The following KCNJ6 variants were observed in gnomAD, a reference collection of about 807,000 sequenced individuals.
The protein encoded by KCNJ6 is potassium inwardly rectifying channel subfamily J member 6, also known as G protein-activated inward rectifier potassium channel 2.
Under a neutral mutation model 34.2 loss-of-function variants are expected in KCNJ6, and 9 were observed. That is an observed-to-expected ratio of 0.26 (90% confidence interval 0.16 to 0.46). KCNJ6 has a LOEUF of 0.46. Ranked by LOEUF, KCNJ6 falls within the 20% of genes least tolerant of loss-of-function variation. The pLI, the probability that KCNJ6 is intolerant of heterozygous loss-of-function variation, is 1.00. For missense variants in KCNJ6, 236 were observed against 531.3 expected (o/e 0.44, Z 5.46); for synonymous variants, 196 against 207.1 (o/e 0.95, Z 0.46).
chr21:37,636,754 A>C (rs1181467650), intron 3 of KCNJ6, among the ~76,000 whole-genome samples: 1 of 152,218 alleles, frequency 6.6e-6, no homozygotes, highest in Non-Finnish European at 1.5e-5. Context: ...CTATTTTTAG[A>C]TCCTGTGACA....
intron 3 of KCNJ6, among the ~76,000 whole-genome samples, chr21:37,696,041 T>C (rs182727138): frequency 3.9e-5 from 6 of 152,348 alleles, no homozygotes; most frequent in African/African-American, 1.4e-4. Flanking sequence ...GAATCCATAC[T>C]GATATAGATA....
At chr21:37,849,671 G>T (rs1419938466) in intron 1 of KCNJ6, among the ~76,000 whole-genome samples, 3 of 152,010 alleles carry the variant, frequency 2.0e-5, no homozygotes, top group East Asian at 3.8e-4. Flanking sequence ...AGCCCCTTTG[G>T]TCTCTGAACA....
intron 3 of KCNJ6, among the ~76,000 whole-genome samples, chr21:37,639,688 G>C (rs1023411289): frequency 6.6e-6 from 1 of 152,150 alleles, no homozygotes; most frequent in Non-Finnish European, 1.5e-5. Context: ...CTAGATCCTT[G>C]ATATGGTTTG....
Position 37,620,556 on chromosome 21 carries a change from G to A in KCNJ6, c.*4603C>T, listed in dbSNP as rs2054287098. The A allele has an allele frequency of 6.7e-6, 1 of 149,088 alleles. No individual in the cohort carries two copies. The highest frequency in any genetic ancestry group is 2.1e-4 in the South Asian group (1 of 4,736). The allele number at this position is 149,088 out of a possible 1,614,324, so 9.2% of individuals were successfully genotyped here. A position where few individuals can be genotyped will look rare whatever the true frequency, so the allele number is the denominator to read the frequency against. ...AGCAGGCCAGATTTTTTTTTTTTTAGCAGATTTGGTTTGCTGAAATTTTTT... is the reference window on the plus strand; with the variant it reads ...AGCAGGCCAGATTTTTTTTTTTTTAACAGATTTGGTTTGCTGAAATTTTTT... On this transcript the variant is annotated 3_prime_UTR_variant, in exon 4 of 4. Coordinates refer to ENST00000609713, the MANE Select transcript of KCNJ6 (RefSeq NM_002240.5).
chr21:37,893,275 G>A (rs1040002553), intron 1 of KCNJ6, among the ~76,000 whole-genome samples: 9 of 151,216 alleles, frequency 6.0e-5, no homozygotes, highest in South Asian at 2.1e-4. Flanking sequence ...TGGTGTGATC[G>A]CGGATCACTG....
intron 2 of KCNJ6, among the ~76,000 whole-genome samples, chr21:37,775,235 A>C (rs1306973413): frequency 6.6e-6 from 1 of 152,102 alleles, no homozygotes; most frequent in Non-Finnish European, 1.5e-5. Flanking sequence ...AGTTCTTTGT[A>C]GATTCTGGAT....
intron 3 of KCNJ6, among the ~76,000 whole-genome samples, chr21:37,639,382 ATATTCCCACGAGGTTG>A (rs1365717443): frequency 3.9e-5 from 6 of 152,222 alleles, no homozygotes; most frequent in Admixed American, 3.9e-4. Context: ...AAATCCTAGA[ATATTCCCACGAGGTTG>A]TACAATCAAA....
chr21:37,856,855 T>C (rs929826165), intron 1 of KCNJ6, among the ~76,000 whole-genome samples: 12 of 152,292 alleles, frequency 7.9e-5, no homozygotes, highest in Admixed American at 4.6e-4. Context: ...GGTTTGGGTA[T>C]TGACCTGGCT....
In KCNJ6 at chr21:37,745,600, GATCTT is replaced by G. The variant is rs146753699; in HGVS notation, c.26-30474_26-30470del. On this transcript the variant is annotated intron_variant, in intron 2 of 3. Transcript: ENST00000609713. ...CTCCTGTTGGACTTCTGACCTCTAG[GATCTT>G]AAGTCAATGCATTTGTGATATTAGT... 8.9e-3 allele frequency among the ~76,000 whole-genome samples: 1,363 copies of G among 152,294 alleles called. 28 individuals carry two copies. Among genetic ancestry groups the G allele is most frequent in the African/African-American group, 0.03 (1,263 of 41,546 alleles).
At chr21:37,718,555 T>G (rs2054806748) in intron 2 of KCNJ6, among the ~76,000 whole-genome samples, 1 of 152,182 alleles carries the variant, frequency 6.6e-6, no homozygotes, top group African/African-American at 2.4e-5. Flanking sequence ...TGCTACTTCA[T>G]TGCCTTTAAA....
At chr21:37,864,049 C>T (rs368185769) in intron 1 of KCNJ6, among the ~76,000 whole-genome samples, 11 of 151,622 alleles carry the variant, frequency 7.3e-5, no homozygotes, top group Admixed American at 3.9e-4. Flanking sequence ...TTTCAGTCTA[C>T]GTCATCCAAC....
chr21:37,632,996 T>A (rs1205912041), intron 3 of KCNJ6, among the ~76,000 whole-genome samples: 1 of 151,760 alleles, frequency 6.6e-6, no homozygotes, highest in Non-Finnish European at 1.5e-5. Context: ...AGGCAAATAA[T>A]CTTGATAATA....
Position 37,765,987 on chromosome 21 carries a change from CCTT to C in KCNJ6, c.26-50859_26-50857del, listed in dbSNP as rs763729310. ...TATTTGTAAGTTGAGTGCTGTACAT[CCTT>C]CTTATCAGTAAAATGTGTGTGTGCA... On this transcript the variant is annotated intron_variant, in intron 2 of 3. Transcript: ENST00000609713. Among the ~76,000 whole-genome samples, 37 of 152,172 alleles carry C rather than the reference CCTT, an allele frequency of 2.4e-4. 1 individual carries two copies. Among genetic ancestry groups the C allele is most frequent in the Non-Finnish European group, 4.6e-4 (31 of 68,036 alleles).
chr21:37,847,746 CAGAG>C (rs376943191), intron 1 of KCNJ6, among the ~76,000 whole-genome samples: 7 of 127,830 alleles, frequency 5.5e-5, no homozygotes, highest in African/African-American at 6.2e-5. Context: ...AAGGGAGAGA[CAGAG>C]AGAGAGAGGG....
chr21:37,913,976 G>A (rs2055879779), intron 1 of KCNJ6, among the ~76,000 whole-genome samples: 1 of 150,934 alleles, frequency 6.6e-6, no homozygotes, highest in African/African-American at 2.4e-5. Context: ...GGACTCAGCT[G>A]AAACTAGCAA....
chr21:37,620,304 T>C lies in KCNJ6; in HGVS notation c.*4855A>G, dbSNP rs2054286218. 2 of 152,078 alleles carry C rather than the reference T, an allele frequency of 1.3e-5. No individual in the cohort carries two copies. Among genetic ancestry groups the C allele is most frequent in the Non-Finnish European group, 2.9e-5 (2 of 68,022 alleles). 9.4% of individuals were successfully genotyped at this position (152,078 alleles called of 1,614,324 possible). On this transcript the variant is annotated 3_prime_UTR_variant, in exon 4 of 4. Coordinates refer to ENST00000609713, the MANE Select transcript of KCNJ6 (RefSeq NM_002240.5). ...ATTTCAATCTTTGCTGGCCACACGG[T>C]CTCTGTTGTAATTACTCAGCTCTGT... is the stretch of plus-strand genomic sequence containing the variant.
intron 1 of KCNJ6, among the ~76,000 whole-genome samples, chr21:37,849,744 C>A (rs960214527): frequency 6.6e-6 from 1 of 152,156 alleles, no homozygotes; most frequent in African/African-American, 2.4e-5. Context: ...CCTGGCTAAC[C>A]CATTCTGAGT....
Position 37,617,982 on chromosome 21 carries a change from C to T in KCNJ6, c.*7177G>A, listed in dbSNP as rs1225757071. The T allele has an allele frequency of 6.6e-6, 1 of 152,238 alleles. No homozygotes were observed. The highest frequency in any genetic ancestry group is 2.4e-5 in the African/African-American group (1 of 41,420). 9.4% of individuals were successfully genotyped at this position (152,238 alleles called of 1,614,324 possible). A position where few individuals can be genotyped will look rare whatever the true frequency, so the allele number is the denominator to read the frequency against. ...TCTAGGGGGTCATTGTCCAGATGGG[C>T]AAGAGCCAGACCCTGCAGGGAGAAG... On this transcript the variant is annotated 3_prime_UTR_variant, in exon 4 of 4. Coordinates refer to ENST00000609713, the MANE Select transcript of KCNJ6 (RefSeq NM_002240.5).
chr21:37,649,143 A>G (rs1416039914), intron 3 of KCNJ6, among the ~76,000 whole-genome samples: 1 of 149,658 alleles, frequency 6.7e-6, no homozygotes, highest in Non-Finnish European at 1.5e-5. Flanking sequence ...AAAAAAAAAA[A>G]AAAAAAAAAA....
Sources: allele counts gnomAD v4.1 joint callset (sites outside exome capture counted in the v4.1 genomes callset), GRCh38; gene constraint gnomAD v4.1.1; transcripts MANE v1.5; gene names NCBI Gene and HGNC (gene_info 2026-07-23, HGNC 2026-07-21).